FAM169A: variants seen among roughly 807,000 people sequenced by gnomAD.
FAM169A encodes soluble lamin-associated protein of 75 kDa.
FAM169A carries 24 observed loss-of-function variants against 75.7 expected under a neutral mutation model. The ratio of observed to expected loss-of-function variants is 0.32; its 90% CI spans 0.23 to 0.45. The LOEUF (loss-of-function observed/expected upper bound fraction) is 0.45, where lower values mean the gene tolerates loss of function less well. FAM169A is among the 20% of genes least tolerant of loss of function. The pLI, the probability that FAM169A is intolerant of heterozygous loss-of-function variation, is 1.00. For synonymous variants in FAM169A, 271 were observed against 271.0 expected (o/e 1.00, Z 0.00); for missense variants, 673 against 784.0 (o/e 0.86, Z 1.69).
At chr5:74,863,890 T>C (rs1750166675) in intron 1 of FAM169A, among the ~76,000 whole-genome samples, 1 of 152,056 alleles carries the variant, frequency 6.6e-6, no homozygotes, top group Non-Finnish European at 1.5e-5. Flanking sequence ...AAAAAAAATC[T>C]CATTCCCCAT....
At chr5:74,801,687 C>A in intron 8 of FAM169A, 58 bp from the exon 9 acceptor site, 1 of 1,259,210 alleles carries the variant, frequency 7.9e-7, no homozygotes, top group Non-Finnish European at 1.1e-6. Context: ...CCCTATGGAT[C>A]TATTTCACTT....
Position 74,841,560 on chromosome 5 carries a change from A to G in FAM169A, c.117T>C (p.Ser39=). 6.2e-7 allele frequency: 1 copy of G among 1,612,978 alleles called. No homozygotes were observed. The highest frequency in any genetic ancestry group is 8.5e-7 in the Non-Finnish European group (1 of 1,179,306). The part of the protein sequence containing the change: ...CGDPENPECF[S]LLNITIPISL... Reference sequence around the variant, plus strand: ...AACACCTTACCGTAATATTGAGAAGAGAAAAACACTCTGGATTTTCAGGGT... The same window carrying G: ...AACACCTTACCGTAATATTGAGAAGGGAAAAACACTCTGGATTTTCAGGGT... Residue 39 remains serine (S), a synonymous_variant, in exon 2 of 13, where the codon TCT becomes TCC. Coordinates refer to ENST00000687041, the MANE Select transcript of FAM169A (RefSeq NM_001376049.1).
intron 1 of FAM169A, among the ~76,000 whole-genome samples, chr5:74,860,041 TCAA>T (rs369042538): frequency 7.9e-4 from 121 of 152,314 alleles, no homozygotes; most frequent in African/African-American, 2.7e-3. Context: ...GGTAATTCTG[TCAA>T]CAACATTTTG....
At chr5:74,813,672 A>C (rs1467669681) in intron 6 of FAM169A, among the ~76,000 whole-genome samples, 168 bp downstream of exon 6, 2 of 152,068 alleles carry the variant, frequency 1.3e-5, no homozygotes, top group Non-Finnish European at 2.9e-5. Context: ...AGACTGCCAA[A>C]CCCCGAGAAA....
intron 7 of FAM169A, among the ~76,000 whole-genome samples, 160 bp from the exon 8 acceptor site, chr5:74,804,765 A>T (rs1203590998): frequency 6.6e-6 from 1 of 152,188 alleles, no homozygotes. Context: ...CTATAATGCA[A>T]CATTGCCATT....
chr5:74,778,855 T>C lies in FAM169A; in HGVS notation c.*2605A>G, dbSNP rs979598148. 2.0e-5 allele frequency: 3 copies of C among 152,190 alleles called. No individual in the cohort carries two copies. Among genetic ancestry groups the C allele is most frequent in the Non-Finnish European group, 2.9e-5 (2 of 67,910 alleles). The allele number at this position is 152,190 out of a possible 1,614,324, so 9.4% of individuals were successfully genotyped here. On this transcript the variant is annotated 3_prime_UTR_variant, in exon 13 of 13. Transcript: ENST00000687041. ...GACATTCAACAACTAGACTAGCCGG[T>C]TGAAATCACATTTTCAGTCCTCTGT...
At chr5:74,800,381 A>T (rs1251686198) in intron 10 of FAM169A, among the ~76,000 whole-genome samples, 2 of 152,206 alleles carry the variant, frequency 1.3e-5, no homozygotes, top group African/African-American at 2.4e-5. Flanking sequence ...GTCCACTAGA[A>T]AATTAAATAA....
chr5:74,824,972 C>T (rs542244150), intron 5 of FAM169A, among the ~76,000 whole-genome samples: 1 of 152,098 alleles, frequency 6.6e-6, no homozygotes, highest in South Asian at 2.1e-4. Context: ...TACAAAAAAC[C>T]CCAACACCCC....
intron 11 of FAM169A, among the ~76,000 whole-genome samples, chr5:74,784,266 A>G (rs1021087604): frequency 1.3e-5 from 2 of 151,996 alleles, no homozygotes; most frequent in Non-Finnish European, 2.9e-5. Context: ...GTAGGAGAAG[A>G]GTCAAAAAAT....
chr5:74,800,812 AAT>A, intron 10 of FAM169A, 66 bp downstream of exon 10: 1 of 639,878 alleles, frequency 1.6e-6, no homozygotes, highest in Non-Finnish European at 2.2e-6. Context: ...AAATATTGAT[AAT>A]ATAAAAGTAT....
At chr5:74,815,817 C>T (rs1580119030) in intron 5 of FAM169A, among the ~76,000 whole-genome samples, 1 of 152,174 alleles carries the variant, frequency 6.6e-6, no homozygotes, top group Admixed American at 6.5e-5. Context: ...CTGCTACAAT[C>T]CCATTAGCAC....
In FAM169A at chr5:74,781,722, G is replaced by C; in HGVS notation, c.1751C>G (p.Thr584Ser). 1 of 1,614,170 alleles carries C rather than the reference G, an allele frequency of 6.2e-7. No homozygotes were observed. Among genetic ancestry groups the C allele is most frequent in the Non-Finnish European group, 8.5e-7 (1 of 1,180,014 alleles). The stretch of plus-strand genomic sequence containing the variant: ...TATCAAAGAACTCTGAGGAAGAGCA[G>C]TAGATGTTTCCTGGGGCTCAGATAC... ...EGVSEPQETS[T>S]ALPQSSLIEV... Residue 584 changes from threonine (T) to serine (S), a missense_variant, in exon 13 of 13, where the codon ACT becomes AGT. Thr to Ser is a moderately conservative substitution (Grantham distance 58). Around this residue, in one of 3 missense-constraint regions of FAM169A, gnomAD observed 510 missense variants for 550.9 expected, o/e 0.93. Transcript: ENST00000687041.
At chr5:74,820,195 T>C (rs1237021480) in intron 5 of FAM169A, among the ~76,000 whole-genome samples, 2 of 151,816 alleles carry the variant, frequency 1.3e-5, no homozygotes, top group Non-Finnish European at 2.9e-5. Flanking sequence ...GGGGTTTCAC[T>C]GTGTTGGCCA....
At chr5:74,786,859 A>C (rs1745721585) in intron 11 of FAM169A, among the ~76,000 whole-genome samples, 2 of 152,204 alleles carry the variant, frequency 1.3e-5, no homozygotes, top group Admixed American at 1.3e-4. Context: ...TGATTGGAAA[A>C]GAATGGGACC....
intron 2 of FAM169A, among the ~76,000 whole-genome samples, chr5:74,840,896 T>C (rs1748830764): frequency 6.6e-6 from 1 of 151,856 alleles, no homozygotes; most frequent in Non-Finnish European, 1.5e-5. Context: ...GCTACTAATA[T>C]GCTTTAACAT....
intron 11 of FAM169A, among the ~76,000 whole-genome samples, 196 bp downstream of exon 11, chr5:74,795,834 T>G (rs1314382687): frequency 6.6e-6 from 1 of 152,240 alleles, no homozygotes; most frequent in African/African-American, 2.4e-5. Flanking sequence ...CAAACTTTTA[T>G]AAACACAATC....
chr5:74,827,505 T>C (rs1241742116), intron 5 of FAM169A, among the ~76,000 whole-genome samples: 1 of 152,080 alleles, frequency 6.6e-6, no homozygotes, highest in Non-Finnish European at 1.5e-5. Flanking sequence ...TATCTTGTGA[T>C]CCTAATGTTC....
At chr5:74,848,550 A>C (rs1749276935) in intron 1 of FAM169A, 1 of 152,210 alleles carries the variant, frequency 6.6e-6, no homozygotes. Flanking sequence ...GAGAAAGAGC[A>C]CTAGAAATGG....
chr5:74,815,633 C>A (rs1391673240), intron 5 of FAM169A, among the ~76,000 whole-genome samples: 1 of 152,134 alleles, frequency 6.6e-6, no homozygotes, highest in Non-Finnish European at 1.5e-5. Flanking sequence ...AGGCTGAGAC[C>A]TACTGGGTTG....
Sources: allele counts gnomAD v4.1 joint callset (sites outside exome capture counted in the v4.1 genomes callset), GRCh38; gene constraint gnomAD v4.1.1; regional missense constraint gnomAD v4.1.1; transcripts MANE v1.5; gene names NCBI Gene and HGNC (gene_info 2026-07-23, HGNC 2026-07-21).